The following CRISPLD1 variants were observed in gnomAD, a reference collection of about 807,000 sequenced individuals.
CRISPLD1 encodes cysteine rich secretory protein LCCL domain containing 1.
Under a neutral mutation model 77.5 loss-of-function variants are expected in CRISPLD1, and 60 were observed. The ratio of observed to expected loss-of-function variants is 0.77; its 90% CI spans 0.63 to 0.96. CRISPLD1 has a LOEUF of 0.96. Among genes scored for constraint, CRISPLD1 ranks in the 40% least tolerant of loss-of-function variants. CRISPLD1 has a pLI of 0.00. For missense variants in CRISPLD1, 623 were observed against 615.8 expected (o/e 1.01, Z -0.12); for synonymous variants, 195 against 200.1 (o/e 0.97, Z 0.22).
intron 6 of CRISPLD1, among the ~76,000 whole-genome samples, chr8:75,015,115 G>C (rs1324211458): frequency 6.6e-6 from 1 of 151,836 alleles, no homozygotes; most frequent in Non-Finnish European, 1.5e-5. Flanking sequence ...AAGTTCCATG[G>C]TTATTTCAGG....
At chr8:75,022,170 C>T (rs1038119830) in intron 12 of CRISPLD1, among the ~76,000 whole-genome samples, 2 of 152,030 alleles carry the variant, frequency 1.3e-5, no homozygotes, top group Non-Finnish European at 2.9e-5. Context: ...CTGTTACCAA[C>T]ATAATAAATC....
At chr8:75,023,101 C>T (rs1387896044) in intron 12 of CRISPLD1, among the ~76,000 whole-genome samples, 1 of 149,590 alleles carries the variant, frequency 6.7e-6, no homozygotes, top group African/African-American at 2.5e-5. Flanking sequence ...AAAAGTTTAC[C>T]GGACCAGTAC....
chr8:75,023,173 A>G (rs1289944297), intron 12 of CRISPLD1, among the ~76,000 whole-genome samples: 1 of 152,132 alleles, frequency 6.6e-6, no homozygotes, highest in African/African-American at 2.4e-5. Context: ...ACAAGCAAAA[A>G]ACTTCCCCCA....
Position 75,025,632 on chromosome 8 carries a change from TAA to T in CRISPLD1, c.1320+12_1320+13del, listed in dbSNP as rs767590222. ...CGAGTTTATTCTGATGTAAGTATCC[TAA>T]TTTATACAGCTGTCAACATTCATGT... is the stretch of plus-strand genomic sequence containing the variant. On this transcript the variant is annotated intron_variant, in intron 13 of 14. Transcript: ENST00000262207. 8.4e-5 allele frequency: 117 copies of T among 1,400,894 alleles called. No individual in the cohort carries two copies. Among genetic ancestry groups the T allele is most frequent in the Non-Finnish European group, 1.1e-4 (113 of 989,838 alleles). 86.8% of individuals were successfully genotyped at this position (1,400,894 alleles called of 1,614,324 possible).
chr8:75,017,909 C>T (rs1164363154), intron 10 of CRISPLD1, among the ~76,000 whole-genome samples: 1 of 152,104 alleles, frequency 6.6e-6, no homozygotes, highest in Non-Finnish European at 1.5e-5. Context: ...TGTCATCTTT[C>T]TTTTGTCCAT....
At chr8:75,006,043 A>G (rs971101024) in intron 2 of CRISPLD1, among the ~76,000 whole-genome samples, 1 of 152,102 alleles carries the variant, frequency 6.6e-6, no homozygotes, top group African/African-American at 2.4e-5. Flanking sequence ...CCCAATTACC[A>G]GTAGGTGATT....
rs1812984247 is a variant in CRISPLD1 at position 75,014,068 on chromosome 8, A to G, written c.592A>G (p.Lys198Glu). 1.9e-6 allele frequency: 3 copies of G among 1,612,894 alleles called. No homozygotes were observed. The South Asian group carries it at 3.3e-5, about 18-fold the overall frequency. ...NMNIWGQIWP[K>E]AVYLVCNYSP... ...GAACATCTGGGGGCAGATATGGCCC[A>G]AAGCTGTCTACCTGGTGTGCAATTA... Residue 198 changes from lysine to glutamate, a missense_variant, in exon 5 of 15, where the codon AAA becomes GAA. Lys to Glu is a moderately conservative substitution (Grantham distance 56, BLOSUM62 1). Coordinates refer to ENST00000262207, the MANE Select transcript of CRISPLD1 (RefSeq NM_031461.6).
chr8:75,023,802 G>C (rs969649810), intron 12 of CRISPLD1, among the ~76,000 whole-genome samples: 1 of 152,132 alleles, frequency 6.6e-6, no homozygotes, highest in Non-Finnish European at 1.5e-5. Flanking sequence ...GTGTGTGTGT[G>C]TGTGTGTGTG....
chr8:75,001,458 A>G (rs1010532647), intron 2 of CRISPLD1, among the ~76,000 whole-genome samples: 8 of 152,206 alleles, frequency 5.3e-5, no homozygotes, highest in Admixed American at 5.2e-4. Flanking sequence ...ACTGTTTTCA[A>G]GATGTAAGTC....
chr8:75,016,583 A>G lies in CRISPLD1; in HGVS notation c.746A>G (p.Tyr249Cys). 3 of 1,613,130 alleles carry G rather than the reference A, an allele frequency of 1.9e-6. No individual in the cohort carries two copies. Among genetic ancestry groups the G allele is most frequent in the Non-Finnish European group, 2.5e-6 (3 of 1,179,318 alleles). The change falls in exon 7 of 15, where the codon TAT becomes TGT. Residue 249 changes from tyrosine (Y) to cysteine (C), a missense_variant. Transcript: ENST00000262207. Reference protein sequence around the residue: ...LCYKEGSDRYYPPREEETNEI... With the variant: ...LCYKEGSDRYCPPREEETNEI... ...CTAACAGAAGGGTCAGACAGGTATT[A>G]TCCCCCTCGAGAAGAGGAAACAAAT...
rs77552013 is a variant in CRISPLD1, at chr8:75,013,960, T to G, written c.511-27T>G. On this transcript the variant is annotated intron_variant, in intron 4 of 14. Coordinates refer to ENST00000262207, the MANE Select transcript of CRISPLD1 (RefSeq NM_031461.6). ...TCCTATTTCATTTCAGCCTGCTTTTTCTGAGCCTTTCATTTTTCTAACATA... is the reference window on the plus strand; with the variant it reads ...TCCTATTTCATTTCAGCCTGCTTTTGCTGAGCCTTTCATTTTTCTAACATA... 13,733 of 1,498,290 alleles carry G rather than the reference T, an allele frequency of 9.2e-3. 852 individuals carry two copies. The African/African-American group carries it at 0.15, about 16-fold the overall frequency. 92.8% of individuals were successfully genotyped at this position (1,498,290 alleles called of 1,614,324 possible). A position where few individuals can be genotyped will look rare whatever the true frequency, so the allele number is the denominator to read the frequency against.
At chr8:75,000,015 A>G (rs1812711817) in intron 2 of CRISPLD1, 1 of 325,178 alleles carries the variant, frequency 3.1e-6, no homozygotes, top group Non-Finnish European at 4.4e-6. Flanking sequence ...TCAGTTGAGT[A>G]AGTATGAGGG....
chr8:75,010,905 G>A (rs142144554), intron 2 of CRISPLD1, among the ~76,000 whole-genome samples: 2,019 of 152,010 alleles, frequency 0.013, 19 homozygotes, highest in Middle Eastern at 0.027. Flanking sequence ...CAGTCATGTA[G>A]TTCTGCTCTC....
At chr8:75,022,705 T>C (rs1479294052) in intron 12 of CRISPLD1, among the ~76,000 whole-genome samples, 3 of 152,122 alleles carry the variant, frequency 2.0e-5, no homozygotes, top group African/African-American at 4.8e-5. Flanking sequence ...ATATTTCTTT[T>C]AGAATTTCAT....
In CRISPLD1 at chr8:75,005,074, C is replaced by A. The variant is rs1054119982; in HGVS notation, c.259-7359C>A. ...GGCTTATAATTAGAAAATCTGAAAT[C>A]TCCTTGGTTATCACAAAACGGCTTC... On this transcript the variant is annotated intron_variant, in intron 2 of 14. Transcript: ENST00000262207. Among the ~76,000 whole-genome samples, 28 of 152,094 alleles carry A rather than the reference C, an allele frequency of 1.8e-4. 1 individual carries two copies. Among genetic ancestry groups the A allele is most frequent in the Admixed American group, 1.6e-3 (25 of 15,256 alleles).
chr8:75,002,679 GA>G (rs796564176), intron 2 of CRISPLD1, among the ~76,000 whole-genome samples: 32 of 152,074 alleles, frequency 2.1e-4, no homozygotes, highest in African/African-American at 7.7e-4. Context: ...AGAGGACTCA[GA>G]GGGGCAACAC....
intron 2 of CRISPLD1, among the ~76,000 whole-genome samples, chr8:74,997,417 G>T (rs552272753): frequency 1.5e-5 from 2 of 137,702 alleles, no homozygotes; most frequent in East Asian, 4.0e-4. Flanking sequence ...GCTGACACAG[G>T]AGGAGAAACA....
At position 75,032,251 on chromosome 8, in the gene CRISPLD1, A is replaced by G. The variant is rs769270715; in HGVS notation, c.*9A>G. On this transcript the variant is annotated 3_prime_UTR_variant, in exon 15 of 15. Transcript: ENST00000262207. ...TGTTTGCTGTTGTGTGAAACTGAAT[A>G]CTTGGAAGAGGACCATAAAGACTAT... is the stretch of plus-strand genomic sequence containing the variant. 3.7e-6 allele frequency: 6 copies of G among 1,600,204 alleles called. No individual in the cohort carries two copies. In the East Asian group the frequency reaches 1.3e-4, roughly 36 times the overall value.
chr8:74,997,433 AAGTG>A (rs1193768805), intron 2 of CRISPLD1, among the ~76,000 whole-genome samples: 1 of 147,636 alleles, frequency 6.8e-6, no homozygotes. Context: ...AAACAGGAGA[AAGTG>A]AAGATGAAAT....
Sources: gnomAD v4.1 joint callset for allele counts (sites outside exome capture counted in the v4.1 genomes callset) on GRCh38, gnomAD v4.1.1 for gene constraint, MANE v1.5 for transcripts, NCBI Gene and HGNC (gene_info 2026-07-23, HGNC 2026-07-21) for gene names.